CDH7: variants seen among roughly 807,000 people sequenced by gnomAD.
CDH7 encodes cadherin-7.
CDH7 carries 25 observed loss-of-function variants against 71.8 expected under a neutral mutation model. The observed-to-expected ratio is 0.35, with a 90% CI of 0.25 to 0.49. The LOEUF (loss-of-function observed/expected upper bound fraction) is 0.49. CDH7 is among the 20% of genes least tolerant of loss of function. The probability of loss-of-function intolerance (pLI) is 0.99; values close to 1 mark genes in which losing one functional copy is unlikely to be tolerated. For synonymous variants in CDH7, 381 were observed against 363.8 expected, an observed-to-expected ratio of 1.05 and a Z score of -0.54; for missense variants, 862 against 974.6, an observed-to-expected ratio of 0.88 and a Z score of 1.54.
intron 11 of CDH7, among the ~76,000 whole-genome samples, chr18:65,870,777 T>C (rs1482706148): frequency 1.3e-5 from 2 of 152,204 alleles, no homozygotes; most frequent in Non-Finnish European, 2.9e-5. Flanking sequence ...ATAGTATTTG[T>C]TTCTTTTGTA....
chr18:65,872,618 G>A (rs1325312154), intron 11 of CDH7, among the ~76,000 whole-genome samples: 1 of 152,084 alleles, frequency 6.6e-6, no homozygotes, highest in Non-Finnish European at 1.5e-5. Flanking sequence ...AAATTAAGCT[G>A]GGAGCAATGA....
chr18:65,783,981 G>C (rs543889508), intron 2 of CDH7, among the ~76,000 whole-genome samples: 3 of 152,000 alleles, frequency 2.0e-5, no homozygotes, highest in Non-Finnish European at 4.4e-5. Flanking sequence ...TTGAGACAGA[G>C]TCAGGCTCTG....
intron 10 of CDH7, among the ~76,000 whole-genome samples, chr18:65,862,339 G>T (rs1913593866): frequency 6.6e-6 from 1 of 152,084 alleles, no homozygotes; most frequent in Non-Finnish European, 1.5e-5. Context: ...TAAGTTTATG[G>T]TGTCAAATTT....
intron 2 of CDH7, among the ~76,000 whole-genome samples, chr18:65,781,225 C>T (rs546801179): frequency 3.3e-5 from 5 of 152,190 alleles, no homozygotes; most frequent in South Asian, 2.1e-4. Context: ...TCCTCAGATT[C>T]GAGAGTGGTG....
At chr18:65,750,771 G>T (rs1757934704), upstream of CDH7, 1 of 152,684 alleles carries the variant, frequency 6.5e-6, no homozygotes, top group Non-Finnish European at 1.5e-5. Flanking sequence ...CGGCTCCGGC[G>T]CGCTCTCTCC....
chr18:65,770,204 T>C (rs1411230435), intron 2 of CDH7, among the ~76,000 whole-genome samples: 1 of 152,176 alleles, frequency 6.6e-6, no homozygotes, highest in Non-Finnish European at 1.5e-5. Context: ...GGGCAATTGA[T>C]TTTGCTTATT....
chr18:65,813,637 G>C (rs916204046), intron 3 of CDH7, among the ~76,000 whole-genome samples: 12 of 151,766 alleles, frequency 7.9e-5, no homozygotes, highest in Admixed American at 7.2e-4. Flanking sequence ...ATATTTAAAA[G>C]ATAGCATATT....
intron 11 of CDH7, among the ~76,000 whole-genome samples, chr18:65,866,778 C>A (rs1356418988): frequency 6.6e-6 from 1 of 152,054 alleles, no homozygotes; most frequent in Non-Finnish European, 1.5e-5. Context: ...TCTGTATTCT[C>A]CTAACTTTAT....
At chr18:65,814,311 C>A (rs1911645059) in intron 3 of CDH7, among the ~76,000 whole-genome samples, 174 bp from the exon 4 acceptor site, 1 of 151,544 alleles carries the variant, frequency 6.6e-6, no homozygotes, top group Non-Finnish European at 1.5e-5. Flanking sequence ...TATTTATGAT[C>A]TCTTTGGGGC....
intron 7 of CDH7, among the ~76,000 whole-genome samples, chr18:65,845,676 A>G (rs781616972): frequency 9.9e-5 from 15 of 152,092 alleles, no homozygotes; most frequent in South Asian, 2.1e-4. Flanking sequence ...ATTTAATTTA[A>G]TGGAAAGAAA....
intron 2 of CDH7, chr18:65,803,853 G>C (rs929643207): frequency 4.5e-4 from 46 of 102,986 alleles, no homozygotes; most frequent in African/African-American, 1.3e-3. Flanking sequence ...AAGTAAATCA[G>C]TGGTTAAAAA....
In CDH7 at chr18:65,887,724, A is replaced by G. The variant is rs547186388; in HGVS notation, c.*6830A>G. 2.0e-5 allele frequency: 3 copies of G among 152,254 alleles called. No homozygotes were observed. Among genetic ancestry groups the G allele is most frequent in the East Asian group, 1.9e-4 (1 of 5,168 alleles). 9.4% of individuals were successfully genotyped at this position (152,254 alleles called of 1,614,324 possible). A position where few individuals can be genotyped will look rare whatever the true frequency, so the allele number is the denominator to read the frequency against. ...TTTCTTTTTAGCTTTTAAGATGTCT[A>G]TTAGATCCAACCTCTACAATTAAAT... On this transcript the variant is annotated 3_prime_UTR_variant, in exon 12 of 12. Transcript: ENST00000397968.
chr18:65,782,446 C>A (rs535801385), intron 2 of CDH7, among the ~76,000 whole-genome samples: 15 of 152,182 alleles, frequency 9.9e-5, no homozygotes, highest in Middle Eastern at 6.8e-3. Context: ...GCATGAGGCA[C>A]CTCACTCAGC....
At chr18:65,857,998 TG>T in intron 8 of CDH7, 46 bp downstream of exon 8, 1 of 1,581,332 alleles carries the variant, frequency 6.3e-7, no homozygotes, top group Non-Finnish European at 8.7e-7. Flanking sequence ...GGACAGTGAG[TG>T]GAGAATCGAT....
chr18:65,865,901 T>G (rs1195582241), intron 11 of CDH7: 2 of 152,120 alleles, frequency 1.3e-5, no homozygotes, highest in Non-Finnish European at 2.9e-5. Flanking sequence ...GTATCAGGAT[T>G]TGTAACTCAA....
chr18:65,790,304 G>T (rs1329156506), intron 2 of CDH7, among the ~76,000 whole-genome samples: 1 of 150,406 alleles, frequency 6.6e-6, no homozygotes, highest in African/African-American at 2.4e-5. Context: ...AAATTCCTAA[G>T]TATAGAGGTA....
intron 1 of CDH7, among the ~76,000 whole-genome samples, chr18:65,755,095 A>G (rs1188079492): frequency 6.6e-6 from 1 of 152,246 alleles, no homozygotes. Context: ...AGTACAGCCA[A>G]ATCTACTTTG....
intron 11 of CDH7, among the ~76,000 whole-genome samples, chr18:65,875,868 A>G (rs1446664515): frequency 6.6e-6 from 1 of 152,176 alleles, no homozygotes; most frequent in Non-Finnish European, 1.5e-5. Context: ...GGTCGAGGAT[A>G]CAGTGAGCTG....
At chr18:65,875,169 T>C (rs1289096823) in intron 11 of CDH7, among the ~76,000 whole-genome samples, 1 of 152,192 alleles carries the variant, frequency 6.6e-6, no homozygotes, top group African/African-American at 2.4e-5. Context: ...GCCAAAAGAT[T>C]GGACACCCCT....
Sources: gnomAD v4.1 joint callset for allele counts (sites outside exome capture counted in the v4.1 genomes callset) on GRCh38, gnomAD v4.1.1 for gene constraint, MANE v1.5 for transcripts, NCBI Gene and HGNC (gene_info 2026-07-23, HGNC 2026-07-21) for gene names.